ARFGEF3: variants seen among roughly 807,000 people sequenced by gnomAD.
ARFGEF3 encodes ARFGEF family member 3.
A neutral mutation model predicts 221.7 loss-of-function variants in ARFGEF3; 96 were observed. The observed-to-expected ratio is 0.43, with a 90% CI of 0.37 to 0.51. The LOEUF (loss-of-function observed/expected upper bound fraction) is 0.51, where lower values mean the gene tolerates loss of function less well. ARFGEF3 is among the 20% of genes least tolerant of loss of function. The pLI is 0.00. For synonymous variants in ARFGEF3, 1,145 were observed against 1,126.8 expected (o/e 1.02, Z -0.32); for missense variants, 2,410 against 2,789.9 (o/e 0.86, Z 3.07).
chr6:138,186,058 T>C (rs1036865245), intron 2 of ARFGEF3, among the ~76,000 whole-genome samples: 2 of 152,214 alleles, frequency 1.3e-5, no homozygotes, highest in African/African-American at 4.8e-5. Context: ...GACTCGAAAA[T>C]TGTTTTTAAT....
intron 13 of ARFGEF3, 29 bp from the exon 14 acceptor site, chr6:138,279,970 G>T: frequency 6.2e-7 from 1 of 1,611,266 alleles, no homozygotes; most frequent in Non-Finnish European, 8.5e-7. Context: ...GGTGTTATGT[G>T]GTCACCTTCT....
At chr6:138,183,820 G>A (rs1777127513) in intron 2 of ARFGEF3, among the ~76,000 whole-genome samples, 3 of 152,324 alleles carry the variant, frequency 2.0e-5, no homozygotes, top group South Asian at 4.1e-4. Context: ...AAGGTAGGGA[G>A]GTGCCTCTGT....
At chr6:138,296,322 A>C (rs1245393264) in intron 20 of ARFGEF3, among the ~76,000 whole-genome samples, 1 of 152,168 alleles carries the variant, frequency 6.6e-6, no homozygotes, top group Non-Finnish European at 1.5e-5. Context: ...AATAGCTAAA[A>C]ATGTTGGTCA....
chr6:138,336,235 C>G (rs1780318794), intron 33 of ARFGEF3, 60 bp from the exon 34 acceptor site: 2 of 1,359,126 alleles, frequency 1.5e-6, no homozygotes, highest in Admixed American at 2.5e-5. Context: ...GGGCCACTCT[C>G]AAGTGTTCAA....
intron 19 of ARFGEF3, 97 bp downstream of exon 19, chr6:138,292,150 A>G: frequency 2.0e-6 from 2 of 1,024,772 alleles, no homozygotes; most frequent in Non-Finnish European, 2.6e-6. Context: ...CCCATTTGTT[A>G]GCCAATCACT....
rs1777284449 is a variant in ARFGEF3 at position 138,190,557 on chromosome 6, C to A, written c.138-16485C>A. 4.6e-5 allele frequency among the ~76,000 whole-genome samples: 7 copies of A among 152,224 alleles called. 1 individual carries two copies. The South Asian group carries it at 1.5e-3, about 32-fold the overall frequency. On this transcript the variant is annotated intron_variant, in intron 2 of 33. Coordinates refer to ENST00000251691, the MANE Select transcript of ARFGEF3 (RefSeq NM_020340.5). ...TGCTTAGCTTTTACTATATCTGAGG[C>A]TAAATTTAATGGTGTAATGCTGAAA... is the stretch of plus-strand genomic sequence containing the variant.
At chr6:138,298,028 C>CAA (rs1335082320) in intron 21 of ARFGEF3, among the ~76,000 whole-genome samples, 2 of 152,208 alleles carry the variant, frequency 1.3e-5, no homozygotes, top group Non-Finnish European at 2.9e-5. Flanking sequence ...AACAACAGGG[C>CAA]AAACCCCAAA....
chr6:138,191,728 T>C (rs1483185148), intron 2 of ARFGEF3, among the ~76,000 whole-genome samples: 2 of 152,236 alleles, frequency 1.3e-5, no homozygotes, highest in African/African-American at 4.8e-5. Context: ...ATATAGCTGC[T>C]ATCTTTCCCA....
intron 7 of ARFGEF3, among the ~76,000 whole-genome samples, chr6:138,243,667 A>G (rs1041258987): frequency 1.3e-5 from 2 of 152,108 alleles, no homozygotes. Flanking sequence ...CTGCTTTTCT[A>G]TTATATGTGC....
intron 14 of ARFGEF3, among the ~76,000 whole-genome samples, chr6:138,281,953 GT>G (rs1371867472): frequency 6.6e-6 from 1 of 151,756 alleles, no homozygotes; most frequent in Non-Finnish European, 1.5e-5. Context: ...TGGTTGGTTG[GT>G]TTTTTTGTTT....
intron 10 of ARFGEF3, among the ~76,000 whole-genome samples, chr6:138,256,590 T>C (rs1778686316): frequency 1.3e-5 from 2 of 152,190 alleles, no homozygotes; most frequent in African/African-American, 2.4e-5. Context: ...GAGATTTTAT[T>C]GTAATGAGTA....
At chr6:138,258,237 G>A (rs889489892) in intron 10 of ARFGEF3, among the ~76,000 whole-genome samples, 8 of 152,052 alleles carry the variant, frequency 5.3e-5, no homozygotes, top group Non-Finnish European at 8.8e-5. Context: ...CCACCTCCCC[G>A]CCTCTTCAGG....
chr6:138,343,664 G>GTTT lies in ARFGEF3; in HGVS notation c.*7182_*7184dup, dbSNP rs913113698. 2 of 152,172 alleles carry GTTT rather than the reference G, an allele frequency of 1.3e-5. No homozygotes were observed. Among genetic ancestry groups the GTTT allele is most frequent in the Non-Finnish European group, 2.9e-5 (2 of 68,024 alleles). The allele number at this position is 152,172 out of a possible 1,614,324, so 9.4% of individuals were successfully genotyped here. A position where few individuals can be genotyped will look rare whatever the true frequency, so the allele number is the denominator to read the frequency against. Reference sequence around the variant, plus strand: ...TTTGAACCAATGTGTAAAAGATTATGTTTTTTCTTAAAGTTAGGGAGGCTC... The same window carrying GTTT: ...TTTGAACCAATGTGTAAAAGATTATGTTTTTTTTTCTTAAAGTTAGGGAGGCTC... On this transcript the variant is annotated 3_prime_UTR_variant, in exon 34 of 34. Transcript: ENST00000251691.
chr6:138,325,026 A>G (rs974883976), intron 31 of ARFGEF3, among the ~76,000 whole-genome samples: 8 of 152,272 alleles, frequency 5.3e-5, no homozygotes, highest in African/African-American at 1.4e-4. Flanking sequence ...TAAATATTCC[A>G]TCATGTAATA....
intron 2 of ARFGEF3, among the ~76,000 whole-genome samples, chr6:138,175,579 T>A (rs1776929754): frequency 6.6e-6 from 1 of 152,214 alleles, no homozygotes; most frequent in African/African-American, 2.4e-5. Flanking sequence ...TCCCTAATAG[T>A]GACAGATTTG....
chr6:138,295,471 A>AC (rs1213716081), intron 20 of ARFGEF3, among the ~76,000 whole-genome samples: 1 of 151,746 alleles, frequency 6.6e-6, no homozygotes, highest in Non-Finnish European at 1.5e-5. Context: ...AATGCAAAAA[A>AC]AAAAAAAAAT....
At chr6:138,257,652 A>G (rs111722405) in intron 10 of ARFGEF3, among the ~76,000 whole-genome samples, 2 of 152,174 alleles carry the variant, frequency 1.3e-5, no homozygotes, top group East Asian at 1.9e-4. Flanking sequence ...ATCACTGGAC[A>G]TGACTCTCAC....
At chr6:138,298,850 C>T (rs1481526998) in intron 22 of ARFGEF3, 65 bp downstream of exon 22, 1 of 1,237,030 alleles carries the variant, frequency 8.1e-7, no homozygotes, top group Non-Finnish European at 1.2e-6. Flanking sequence ...AGGCACGGTT[C>T]TATGAGCTTC....
At chr6:138,321,070 A>T (rs1780018798) in intron 28 of ARFGEF3, 41 bp from the exon 29 acceptor site, 2 of 1,194,346 alleles carry the variant, frequency 1.7e-6, no homozygotes, top group South Asian at 2.6e-5. Context: ...ACCCCTTTAC[A>T]CTAGAGCTGT....
Sources: gnomAD v4.1 joint callset for allele counts (sites outside exome capture counted in the v4.1 genomes callset) on GRCh38, gnomAD v4.1.1 for gene constraint, MANE v1.5 for transcripts, NCBI Gene and HGNC (gene_info 2026-07-23, HGNC 2026-07-21) for gene names.